Variants in PHLPP1 observed in about 807,000 individuals in gnomAD.
PHLPP1 encodes the protein PH domain leucine-rich repeat-containing protein phosphatase 1.
A neutral mutation model predicts 117.2 loss-of-function variants in PHLPP1; 42 were observed. That is an observed-to-expected ratio of 0.36 (90% CI 0.28 to 0.46). The LOEUF (loss-of-function observed/expected upper bound fraction) is 0.46, where lower values mean the gene tolerates loss of function less well. PHLPP1 is among the 20% of genes least tolerant of loss of function. The pLI, the probability that PHLPP1 is intolerant of heterozygous loss-of-function variation, is 1.00. For missense variants in PHLPP1, 2,084 were observed against 2,241.9 expected (o/e 0.93, Z 1.42); for synonymous variants, 1,042 against 970.7 (o/e 1.07, Z -1.37).
chr18:62,928,568 T>A lies in PHLPP1; in HGVS notation c.2960+8454T>A, dbSNP rs1909715173. Among the ~76,000 whole-genome samples the A allele has an allele frequency of 1.3e-5, 2 of 152,204 alleles. 1 individual carries two copies. Among genetic ancestry groups the A allele is most frequent in the Admixed American group, 1.3e-4 (2 of 15,272 alleles). On this transcript the variant is annotated intron_variant, in intron 10 of 16. Coordinates refer to ENST00000262719, the MANE Select transcript of PHLPP1 (RefSeq NM_194449.4). The stretch of plus-strand genomic sequence containing the variant: ...ACCTCGTACACTGCTGGCAGGAATG[T>A]AAAGTGATGCAAGTACTTTGGAAAA...
intron 1 of PHLPP1, among the ~76,000 whole-genome samples, chr18:62,734,776 AT>A (rs1026341767): frequency 5.9e-5 from 9 of 152,132 alleles, no homozygotes; most frequent in African/African-American, 2.2e-4. Flanking sequence ...CTCTGTGAAA[AT>A]TTTTACAGAG....
At position 62,716,859 on chromosome 18, in the gene PHLPP1, C is replaced by A; in HGVS notation, c.1176C>A (p.Gly392=). The A allele has an allele frequency of 6.6e-7, 1 of 1,522,452 alleles. No homozygotes were observed. Among genetic ancestry groups the A allele is most frequent in the Non-Finnish European group, 8.8e-7 (1 of 1,141,048 alleles). The allele number at this position is 1,522,452 out of a possible 1,614,324, so 94.3% of individuals were successfully genotyped here. A position where few individuals can be genotyped will look rare whatever the true frequency, so the allele number is the denominator to read the frequency against. The part of the protein sequence containing the change: ...DAASAPTGVP[G]QPRRPGHPAQ... ...CCTCGGCCCCGACGGGGGTCCCGGG[C>A]CAGCCCCGCCGTCCCGGCCACCCCG... The change falls in exon 1 of 17, where the codon GGC becomes GGA. Residue 392 remains glycine (G), a synonymous_variant. Transcript: ENST00000262719. The surrounding 1 kb of genome is among the most constrained non-coding windows in gnomAD (Gnocchi z 5.7).
chr18:62,938,031 G>A (rs896322855), intron 10 of PHLPP1, among the ~76,000 whole-genome samples: 1 of 152,030 alleles, frequency 6.6e-6, no homozygotes, highest in Admixed American at 6.5e-5. Flanking sequence ...AAAGAAGAAG[G>A]AAGAAAGGTC....
intron 1 of PHLPP1, among the ~76,000 whole-genome samples, chr18:62,828,878 A>T (rs1026623692): frequency 6.6e-6 from 1 of 152,218 alleles, no homozygotes; most frequent in Admixed American, 6.5e-5. Context: ...TTATTAACTT[A>T]TCTCTGGGCA....
Position 62,716,639 on chromosome 18 carries a change from C to G in PHLPP1, c.956C>G (p.Ala319Gly). The change falls in exon 1 of 17, where the codon GCG becomes GGG. Residue 319 changes from alanine to glycine, a missense_variant. Physicochemically the swap from Ala to Gly is moderately conservative, Grantham distance 60 (BLOSUM62 0). Coordinates refer to ENST00000262719, the MANE Select transcript of PHLPP1 (RefSeq NM_194449.4). The surrounding 1 kb of genome is among the most constrained non-coding windows in gnomAD (Gnocchi z 5.7). ...PGGWSRRASP[A>G]PSDSSPGEPF... ...GGGTGGTCGCGCCGCGCCAGCCCAG[C>G]GCCCTCGGACTCCAGCCCCGGCGAG... 7.2e-7 allele frequency: 1 copy of G among 1,385,164 alleles called. No homozygotes were observed. Among genetic ancestry groups the G allele is most frequent in the South Asian group, 1.6e-5 (1 of 61,830 alleles). 85.8% of individuals were successfully genotyped at this position (1,385,164 alleles called of 1,614,324 possible). A position where few individuals can be genotyped will look rare whatever the true frequency, so the allele number is the denominator to read the frequency against.
chr18:62,775,867 C>T (rs940595193), intron 1 of PHLPP1, among the ~76,000 whole-genome samples: 46 of 152,112 alleles, frequency 3.0e-4, no homozygotes, highest in African/African-American at 9.7e-4. Context: ...TACCCTTGAC[C>T]TAGGGAACCA....
chr18:62,715,571 C>G lies in PHLPP1; in HGVS notation c.-113C>G, dbSNP rs1910688318. 5 of 557,032 alleles carry G rather than the reference C, an allele frequency of 9.0e-6. No homozygotes were observed. Among genetic ancestry groups the G allele is most frequent in the Non-Finnish European group, 1.4e-5 (5 of 369,576 alleles). 34.5% of individuals were successfully genotyped at this position (557,032 alleles called of 1,614,324 possible). On this transcript the variant is annotated 5_prime_UTR_variant, in exon 1 of 17. Coordinates refer to ENST00000262719, the MANE Select transcript of PHLPP1 (RefSeq NM_194449.4). ...TCCCCTGGAACGGCCGCGCACAACGCCATTGGCTTCTCCCTTCTCCGCGCG... is the reference window on the plus strand; with the variant it reads ...TCCCCTGGAACGGCCGCGCACAACGGCATTGGCTTCTCCCTTCTCCGCGCG...
intron 10 of PHLPP1, among the ~76,000 whole-genome samples, chr18:62,923,708 A>G (rs1909542557): frequency 6.6e-6 from 1 of 151,946 alleles, no homozygotes; most frequent in Non-Finnish European, 1.5e-5. Flanking sequence ...ACTTTTTTTT[A>G]TTGAGGCATA....
chr18:62,876,933 G>A (rs1215247801), intron 4 of PHLPP1, among the ~76,000 whole-genome samples: 2 of 152,206 alleles, frequency 1.3e-5, no homozygotes, highest in Non-Finnish European at 2.9e-5. Flanking sequence ...GCTGAAAATG[G>A]AGAGATGGAG....
rs370133111 is a variant in PHLPP1 at position 62,945,197 on chromosome 18, C to T, written c.3250C>T (p.Arg1084Cys). The T allele has an allele frequency of 5.0e-6, 8 of 1,612,910 alleles. No homozygotes were observed. The highest frequency in any genetic ancestry group is 6.8e-6 in the Non-Finnish European group (8 of 1,179,422). Residue 1084 changes from arginine (R) to cysteine (C), a missense_variant, in exon 12 of 17, where the codon CGC becomes TGC. Physicochemically the swap from Arg to Cys is radical, Grantham distance 180 (BLOSUM62 -3). Transcript: ENST00000262719. ...CCCAACAACGATCATGAATTGCAGG[C>T]GCATGCACACCGTGATTGCTCACTC... is the stretch of plus-strand genomic sequence containing the variant. ...AIPTTIMNCR[R>C]MHTVIAHSNC...
intron 11 of PHLPP1, among the ~76,000 whole-genome samples, chr18:62,944,100 GA>G (rs1434459280): frequency 6.6e-6 from 1 of 151,792 alleles, no homozygotes; most frequent in African/African-American, 2.4e-5. Context: ...AGTGTATTGT[GA>G]CAAATGAAAC....
intron 3 of PHLPP1, among the ~76,000 whole-genome samples, chr18:62,855,702 G>C (rs763235521): frequency 6.6e-6 from 1 of 152,118 alleles, no homozygotes; most frequent in South Asian, 2.1e-4. Flanking sequence ...AACAGCTTAC[G>C]GTCTAGAAGG....
chr18:62,974,846 C>A (rs1200684893), intron 15 of PHLPP1, among the ~76,000 whole-genome samples: 1 of 152,160 alleles, frequency 6.6e-6, no homozygotes, highest in African/African-American at 2.4e-5. Context: ...CTATATAGGG[C>A]AGGAACATGA....
intron 2 of PHLPP1, among the ~76,000 whole-genome samples, chr18:62,835,869 C>T (rs191214135): frequency 6.7e-6 from 1 of 149,772 alleles, no homozygotes; most frequent in South Asian, 2.1e-4. Context: ...CATCCTCCAC[C>T]TCCCGGGTTC....
rs79746454 is a variant in PHLPP1 at position 62,973,880 on chromosome 18, G to A, written c.3755+1172G>A. 7.9e-3 allele frequency among the ~76,000 whole-genome samples: 1,199 copies of A among 152,256 alleles called. 7 individuals are homozygous for A. The highest frequency in any genetic ancestry group is 0.012 in the Non-Finnish European group (841 of 68,020). On this transcript the variant is annotated intron_variant, in intron 15 of 16. Coordinates refer to ENST00000262719, the MANE Select transcript of PHLPP1 (RefSeq NM_194449.4). ...CAGTGAGGTGAAGCACAGTGCCTAC[G>A]GGCTAATAGGTAGTGCAGCCAGGAC...
At chr18:62,742,562 AG>A (rs1911560906) in intron 1 of PHLPP1, among the ~76,000 whole-genome samples, 1 of 152,116 alleles carries the variant, frequency 6.6e-6, no homozygotes. Context: ...CAGCCTCCTG[AG>A]TAGCTGGGAC....
chr18:62,759,509 G>T (rs1201193984), intron 1 of PHLPP1, among the ~76,000 whole-genome samples: 1 of 152,138 alleles, frequency 6.6e-6, no homozygotes, highest in Non-Finnish European at 1.5e-5. Context: ...TCTCATTTGT[G>T]TCTTTGGCTT....
At chr18:62,748,143 G>T (rs1356069000) in intron 1 of PHLPP1, among the ~76,000 whole-genome samples, 1 of 151,894 alleles carries the variant, frequency 6.6e-6, no homozygotes, top group East Asian at 1.9e-4. Context: ...TATACATGAA[G>T]TCCTTCTTCC....
At chr18:62,903,810 T>G (rs2144407948) in intron 7 of PHLPP1, among the ~76,000 whole-genome samples, 1 of 150,156 alleles carries the variant, frequency 6.7e-6, no homozygotes, top group South Asian at 2.1e-4. Flanking sequence ...TTAAAAAAGA[T>G]AAACTAGAAT....
Sources: gnomAD v4.1 joint callset for allele counts (sites outside exome capture counted in the v4.1 genomes callset) on GRCh38, gnomAD v4.1.1 for gene constraint, Gnocchi (gnomAD v3.1) non-coding constraint, MANE v1.5 for transcripts, NCBI Gene and HGNC (gene_info 2026-07-23, HGNC 2026-07-21) for gene names.